CAMKMT: variants seen among roughly 807,000 people sequenced by gnomAD.
The protein encoded by CAMKMT is CaM KMT.
In CAMKMT, 53 loss-of-function variants were observed where a neutral mutation model predicts 48.0. The observed-to-expected ratio is 1.10, with a 90% CI of 0.89 to 1.39. The LOEUF (loss-of-function observed/expected upper bound fraction) is 1.39, where lower values mean the gene tolerates loss of function less well. CAMKMT is among the 40% of genes most tolerant of loss of function. The probability of loss-of-function intolerance (pLI) is 0.00; values close to 1 mark genes in which losing one functional copy is unlikely to be tolerated. For missense variants in CAMKMT, 428 were observed against 402.7 expected (o/e 1.06, Z -0.54); for synonymous variants, 165 against 152.3 (o/e 1.08, Z -0.61).
At chr2:44,418,245 G>A (rs780690873) in intron 3 of CAMKMT, among the ~76,000 whole-genome samples, 4 of 149,804 alleles carry the variant, frequency 2.7e-5, no homozygotes, top group Non-Finnish European at 4.4e-5. Flanking sequence ...CTGAAGACAA[G>A]TCTTTTGTCA....
At chr2:44,488,490 G>C (rs1669318785) in intron 3 of CAMKMT, among the ~76,000 whole-genome samples, 1 of 152,054 alleles carries the variant, frequency 6.6e-6, no homozygotes, top group Non-Finnish European at 1.5e-5. Context: ...AGTAACAAGA[G>C]CAAAACTCTG....
At chr2:44,601,089 T>C (rs1353961526) in intron 3 of CAMKMT, among the ~76,000 whole-genome samples, 1 of 152,126 alleles carries the variant, frequency 6.6e-6, no homozygotes, top group Non-Finnish European at 1.5e-5. Flanking sequence ...ATACATATAA[T>C]ATAACCAATA....
intron 3 of CAMKMT, among the ~76,000 whole-genome samples, chr2:44,399,556 T>C (rs902069820): frequency 6.6e-6 from 1 of 152,076 alleles, no homozygotes; most frequent in Non-Finnish European, 1.5e-5. Flanking sequence ...TTTCCCTTTT[T>C]TCCCTCTCTC....
intron 10 of CAMKMT, 128 bp from the exon 11 acceptor site, chr2:44,771,908 C>A: frequency 9.4e-6 from 5 of 534,718 alleles, no homozygotes; most frequent in Non-Finnish European, 1.6e-5. Context: ...AGTTGCTTTT[C>A]TGTGATTTAT....
At chr2:44,729,023 T>A (rs343967) in intron 7 of CAMKMT, among the ~76,000 whole-genome samples, 26,220 of 146,636 alleles carry the variant, frequency 0.18, 2,343 homozygotes, top group African/African-American at 0.22. Flanking sequence ...TTTGTTTTTT[T>A]AAAAAAAAAA....
chr2:44,651,438 C>A lies in CAMKMT; in HGVS notation c.377-52845C>A, dbSNP rs1434587742. ...GTGGCATATGCCTGTAATCCCAGCACTTTGCTAGGCCGAGGCGGGTGGATC... is the reference window on the plus strand; with the variant it reads ...GTGGCATATGCCTGTAATCCCAGCAATTTGCTAGGCCGAGGCGGGTGGATC... On this transcript the variant is annotated intron_variant, in intron 3 of 10. Coordinates refer to ENST00000378494, the MANE Select transcript of CAMKMT (RefSeq NM_024766.5). Among the ~76,000 whole-genome samples the A allele has an allele frequency of 1.3e-5, 2 of 152,176 alleles. 1 individual carries two copies. Among genetic ancestry groups the A allele is most frequent in the Admixed American group, 1.3e-4 (2 of 15,282 alleles).
intron 3 of CAMKMT, among the ~76,000 whole-genome samples, chr2:44,480,977 C>T (rs923746594): frequency 1.3e-5 from 2 of 151,676 alleles, no homozygotes; most frequent in Non-Finnish European, 2.9e-5. Flanking sequence ...GAGATACATG[C>T]CTATACTTTC....
chr2:44,603,277 G>A (rs1459921232), intron 3 of CAMKMT, among the ~76,000 whole-genome samples: 2 of 151,902 alleles, frequency 1.3e-5, no homozygotes, highest in East Asian at 3.9e-4. Context: ...TTTTAGTAGA[G>A]ACAGGGTTTC....
intron 9 of CAMKMT, among the ~76,000 whole-genome samples, chr2:44,762,329 G>A (rs570476678): frequency 6.6e-6 from 1 of 152,256 alleles, no homozygotes; most frequent in South Asian, 2.1e-4. Context: ...CTTTATAAAT[G>A]ACAACAAAGA....
At chr2:44,537,740 T>G (rs11124991) in intron 3 of CAMKMT, among the ~76,000 whole-genome samples, 1 of 151,856 alleles carries the variant, frequency 6.6e-6, no homozygotes, top group Non-Finnish European at 1.5e-5. Context: ...ATTTTTTATA[T>G]TTTGTAGAAA....
chr2:44,557,522 A>T (rs1260552760), intron 3 of CAMKMT, among the ~76,000 whole-genome samples: 1 of 152,156 alleles, frequency 6.6e-6, no homozygotes, highest in Non-Finnish European at 1.5e-5. Flanking sequence ...TCTTGACCTG[A>T]GGGAATGTCT....
At chr2:44,521,409 G>C (rs12185761) in intron 3 of CAMKMT, among the ~76,000 whole-genome samples, 68,220 of 151,612 alleles carry the variant, frequency 0.45, 17,513 homozygotes, top group Non-Finnish European at 0.58. Flanking sequence ...TTCCCGAGTA[G>C]CTGGGACTGC....
rs1289866274 is a variant in CAMKMT, at chr2:44,410,956, A to G, written c.376+20651A>G. The stretch of plus-strand genomic sequence containing the variant: ...AAAAGTAATTGATAGTTCTAAAGTA[A>G]TAAATAACTTTTGGTTAAGATGTTC... On this transcript the variant is annotated intron_variant, in intron 3 of 10. Coordinates refer to ENST00000378494, the MANE Select transcript of CAMKMT (RefSeq NM_024766.5). Among the ~76,000 whole-genome samples the G allele has an allele frequency of 2.0e-5, 3 of 152,324 alleles. No individual in the cohort carries two copies. The East Asian group carries it at 5.8e-4, about 29-fold the overall frequency.
intron 9 of CAMKMT, among the ~76,000 whole-genome samples, chr2:44,758,826 G>T (rs550739259): frequency 6.6e-6 from 1 of 152,280 alleles, no homozygotes; most frequent in Non-Finnish European, 1.5e-5. Context: ...TTGAACTTTC[G>T]TCCAGAAATG....
At chr2:44,585,737 C>G (rs1669822255) in intron 3 of CAMKMT, among the ~76,000 whole-genome samples, 1 of 152,152 alleles carries the variant, frequency 6.6e-6, no homozygotes, top group Non-Finnish European at 1.5e-5. Flanking sequence ...TGATCCTACG[C>G]TTTACCAAAG....
intron 3 of CAMKMT, among the ~76,000 whole-genome samples, chr2:44,702,983 A>G (rs1471229812): frequency 6.6e-6 from 1 of 152,212 alleles, no homozygotes; most frequent in Non-Finnish European, 1.5e-5. Context: ...ACCTTGCATT[A>G]AGACCATCAG....
chr2:44,437,536 T>C (rs968805525), intron 3 of CAMKMT, among the ~76,000 whole-genome samples: 3 of 148,076 alleles, frequency 2.0e-5, no homozygotes, highest in Non-Finnish European at 4.4e-5. Flanking sequence ...CATAAGCCGT[T>C]AGTAGTGTTC....
intron 3 of CAMKMT, among the ~76,000 whole-genome samples, chr2:44,523,241 T>C (rs1001434114): frequency 1.3e-5 from 2 of 151,926 alleles, no homozygotes; most frequent in Admixed American, 1.3e-4. Context: ...CAGGCATGTC[T>C]CTTCTCTGCT....
intron 3 of CAMKMT, among the ~76,000 whole-genome samples, chr2:44,575,791 A>G (rs1359881369): frequency 6.6e-6 from 1 of 151,454 alleles, no homozygotes; most frequent in Non-Finnish European, 1.5e-5. Flanking sequence ...TCGGAGGTCA[A>G]GACTGCAGTC....
Sources: gnomAD v4.1 joint callset for allele counts (sites outside exome capture counted in the v4.1 genomes callset) on GRCh38, gnomAD v4.1.1 for gene constraint, MANE v1.5 for transcripts, NCBI Gene and HGNC (gene_info 2026-07-23, HGNC 2026-07-21) for gene names.